Variants in RAD51B observed in about 807,000 individuals in gnomAD.
RAD51B encodes the protein DNA repair protein RAD51 homolog 2.
RAD51B carries 38 observed loss-of-function variants against 42.2 expected under a neutral mutation model. That is an observed-to-expected ratio of 0.90 (90% CI 0.70 to 1.18). RAD51B has a LOEUF of 1.18. RAD51B is among the 50% of genes most tolerant of loss of function. The pLI, the probability that RAD51B is intolerant of heterozygous loss-of-function variation, is 0.00. For synonymous variants in RAD51B, 154 were observed against 145.2 expected (o/e 1.06, Z -0.43); for missense variants, 373 against 400.7 (o/e 0.93, Z 0.59).
intron 10 of RAD51B, among the ~76,000 whole-genome samples, chr14:68,529,961 CAGAT>C (rs564431478): frequency 6.6e-6 from 1 of 151,960 alleles, no homozygotes; most frequent in Non-Finnish European, 1.5e-5. Context: ...ATAAAATACA[CAGAT>C]AGGATAAATT....
At chr14:68,502,781 G>T (rs891242047) in intron 10 of RAD51B, among the ~76,000 whole-genome samples, 1 of 152,194 alleles carries the variant, frequency 6.6e-6, no homozygotes, top group Non-Finnish European at 1.5e-5. Context: ...GGGCTCCCTT[G>T]CATCCGCTGT....
At chr14:68,520,639 G>T (rs1009935870) in intron 10 of RAD51B, among the ~76,000 whole-genome samples, 2 of 152,074 alleles carry the variant, frequency 1.3e-5, no homozygotes, top group African/African-American at 4.8e-5. Context: ...CTTTCTTTGT[G>T]CCCAGAAACT....
intron 11 of RAD51B, among the ~76,000 whole-genome samples, chr14:68,672,142 G>T (rs59235868): frequency 1.1e-3 from 171 of 152,284 alleles, no homozygotes; most frequent in African/African-American, 3.9e-3. Flanking sequence ...ATTTTAAGCT[G>T]GATATCCTGA....
intron 4 of RAD51B, among the ~76,000 whole-genome samples, chr14:67,863,150 ATTTT>A (rs5809367): frequency 4.1e-5 from 3 of 74,002 alleles, no homozygotes; most frequent in Non-Finnish European, 5.7e-5. Flanking sequence ...AAATATGGGA[ATTTT>A]TTTTTTTTTT....
At chr14:67,946,894 G>A (rs754877690) in intron 7 of RAD51B, among the ~76,000 whole-genome samples, 3 of 152,132 alleles carry the variant, frequency 2.0e-5, no homozygotes, top group Non-Finnish European at 4.4e-5. Context: ...TTCTGATTAA[G>A]TTGTTAACTA....
intron 8 of RAD51B, among the ~76,000 whole-genome samples, chr14:68,356,539 T>G (rs560625702): frequency 1.9e-3 from 164 of 88,178 alleles, no homozygotes; most frequent in Admixed American, 4.5e-3. Flanking sequence ...TTTAAAATAC[T>G]TAATTGCTAA....
chr14:68,366,975 A>T (rs1407961707), intron 8 of RAD51B, among the ~76,000 whole-genome samples: 4 of 152,260 alleles, frequency 2.6e-5, no homozygotes, highest in Non-Finnish European at 4.4e-5. Context: ...TCAAACATAT[A>T]AGAAGGGGAT....
intron 11 of RAD51B, among the ~76,000 whole-genome samples, chr14:68,658,670 G>A (rs917371602): frequency 2.0e-5 from 3 of 152,316 alleles, no homozygotes; most frequent in Non-Finnish European, 2.9e-5. Context: ...TAGAGACTCT[G>A]CCTCAGGGTT....
At chr14:68,387,921 A>G (rs760032375) in intron 8 of RAD51B, among the ~76,000 whole-genome samples, 5 of 152,160 alleles carry the variant, frequency 3.3e-5, no homozygotes, top group Non-Finnish European at 5.9e-5. Context: ...CTTAATTTTC[A>G]TATTGATTAC....
chr14:68,622,654 C>A (rs1470071649), intron 10 of RAD51B, among the ~76,000 whole-genome samples: 1 of 148,122 alleles, frequency 6.8e-6, no homozygotes, highest in Non-Finnish European at 1.5e-5. Context: ...GAACAAATAT[C>A]TCTACATTTC....
intron 7 of RAD51B, among the ~76,000 whole-genome samples, chr14:67,931,617 C>G (rs1433688371): frequency 2.0e-5 from 3 of 151,684 alleles, no homozygotes; most frequent in Non-Finnish European, 4.4e-5. Flanking sequence ...ATTCTCCTGC[C>G]TCAGCCTCCT....
chr14:68,573,074 C>G (rs1889789897), intron 10 of RAD51B, among the ~76,000 whole-genome samples: 1 of 152,156 alleles, frequency 6.6e-6, no homozygotes, highest in Admixed American at 6.5e-5. Flanking sequence ...CTACAGTCAC[C>G]TCATACTACT....
chr14:68,598,954 G>T (rs58128429), downstream of RAD51B, among the ~76,000 whole-genome samples: 2,182 of 152,278 alleles, frequency 0.014, 56 homozygotes, highest in African/African-American at 0.049. Flanking sequence ...ATATCACTGA[G>T]AGGAACTGGG....
chr14:68,086,133 T>C (rs2076980217), intron 7 of RAD51B, among the ~76,000 whole-genome samples: 1 of 152,044 alleles, frequency 6.6e-6, no homozygotes, highest in Non-Finnish European at 1.5e-5. Flanking sequence ...AGGTTTTGAG[T>C]GGAGGTAGCT....
intron 10 of RAD51B, among the ~76,000 whole-genome samples, chr14:68,627,525 G>A (rs1299960683): frequency 6.6e-6 from 1 of 152,168 alleles, no homozygotes; most frequent in East Asian, 1.9e-4. Flanking sequence ...TGCTCCAGGA[G>A]CCGCGTTTGG....
At chr14:68,422,293 C>T (rs1189656394) in intron 9 of RAD51B, 14 of 658,194 alleles carry the variant, frequency 2.1e-5, no homozygotes, top group African/African-American at 7.2e-5. Context: ...TTGGGTGCGG[C>T]AGCTCACGCC....
chr14:68,527,718 C>CAA (rs535993746), intron 10 of RAD51B, among the ~76,000 whole-genome samples: 6 of 152,238 alleles, frequency 3.9e-5, no homozygotes, highest in Non-Finnish European at 7.3e-5. Context: ...ATCAGATGTA[C>CAA]AATATATGAG....
intron 4 of RAD51B, among the ~76,000 whole-genome samples, chr14:67,856,180 C>T (rs944899424): frequency 6.6e-6 from 1 of 152,152 alleles, no homozygotes; most frequent in Non-Finnish European, 1.5e-5. Flanking sequence ...TTTCCCATCC[C>T]TACTCTTCCT....
intron 10 of RAD51B, among the ~76,000 whole-genome samples, chr14:68,588,051 T>G (rs946509785): frequency 2.6e-5 from 4 of 152,228 alleles, no homozygotes; most frequent in Non-Finnish European, 4.4e-5. Context: ...TTTAACAAGC[T>G]GGCCAGCGGA....
Sources: gnomAD v4.1 joint callset for allele counts (sites outside exome capture counted in the v4.1 genomes callset) on GRCh38, gnomAD v4.1.1 for gene constraint, MANE v1.5 for transcripts, NCBI Gene and HGNC (gene_info 2026-07-23, HGNC 2026-07-21) for gene names.